FBXO21: variants seen among roughly 807,000 people sequenced by gnomAD.
The protein encoded by FBXO21 is F-box protein 21, also known as F-box only protein 21.
FBXO21 carries 32 observed loss-of-function variants against 76.6 expected under a neutral mutation model. The ratio of observed to expected loss-of-function variants is 0.42; its 90% CI spans 0.32 to 0.56. The LOEUF (loss-of-function observed/expected upper bound fraction) is 0.56. FBXO21 is among the 20% of genes least tolerant of loss of function. The pLI is 0.16. For synonymous variants in FBXO21, 328 were observed against 311.5 expected (o/e 1.05, Z -0.56); for missense variants, 586 against 797.3 (o/e 0.73, Z 3.19).
intron 10 of FBXO21, among the ~76,000 whole-genome samples, chr12:117,156,720 T>C (rs1171826805): frequency 2.6e-5 from 4 of 152,148 alleles, no homozygotes; most frequent in African/African-American, 4.8e-5. Flanking sequence ...TTCTCTCTTA[T>C]AAATCTTTGC....
At chr12:117,184,663 C>G (rs1956265692) in intron 3 of FBXO21, among the ~76,000 whole-genome samples, 1 of 152,148 alleles carries the variant, frequency 6.6e-6, no homozygotes, top group Admixed American at 6.5e-5. Context: ...TGAAGCAGGA[C>G]AATCTCTTGG....
Position 117,158,103 on chromosome 12 carries a change from A to G in FBXO21, c.1327-40T>C, listed in dbSNP as rs778377239. On this transcript the variant is annotated intron_variant, in intron 9 of 11. Coordinates refer to ENST00000622495, the MANE Select transcript of FBXO21 (RefSeq NM_015002.3). ...AGAAAGACTAAAAGATAATATTTTC[A>G]GCTAGGCCTTTTCTTTTTTGCGGCG... The G allele has an allele frequency of 3.7e-6, 6 of 1,611,516 alleles. No individual in the cohort carries two copies. In the African/African-American group the frequency reaches 4.0e-5, roughly 11 times the overall value.
intron 7 of FBXO21, among the ~76,000 whole-genome samples, chr12:117,171,357 CAAAAAAAAAAAAA>C (rs57835444): frequency 1.9e-5 from 1 of 52,660 alleles, no homozygotes; most frequent in Non-Finnish European, 3.4e-5. Context: ...GACCCTGTCT[CAAAAAAAAAAAAA>C]AAAAAAAAAA....
chr12:117,158,184 T>A, intron 9 of FBXO21, 121 bp from the exon 10 acceptor site: 1 of 1,134,504 alleles, frequency 8.8e-7, no homozygotes, highest in Non-Finnish European at 1.3e-6. Flanking sequence ...AAGGGGTGGC[T>A]ATGCCCTGAT....
At chr12:117,161,078 G>T (rs1018158464) in intron 9 of FBXO21, among the ~76,000 whole-genome samples, 1 of 152,104 alleles carries the variant, frequency 6.6e-6, no homozygotes, top group Non-Finnish European at 1.5e-5. Flanking sequence ...GACAGATGAC[G>T]GAGCAGCAGC....
chr12:117,152,662 G>A (rs1955858388), intron 11 of FBXO21, among the ~76,000 whole-genome samples: 1 of 152,098 alleles, frequency 6.6e-6, no homozygotes, highest in Non-Finnish European at 1.5e-5. Context: ...TAGGCATAAA[G>A]TTATTTTGTG....
At chr12:117,181,774 T>G (rs1450390720) in intron 3 of FBXO21, among the ~76,000 whole-genome samples, 7 of 152,102 alleles carry the variant, frequency 4.6e-5, no homozygotes, top group African/African-American at 1.7e-4. Flanking sequence ...TTCAGCCTCT[T>G]GAGTAGCTGG....
chr12:117,147,502 G>A (rs1019895099), intron 11 of FBXO21, among the ~76,000 whole-genome samples: 4 of 145,440 alleles, frequency 2.8e-5, no homozygotes, highest in African/African-American at 1.0e-4. Context: ...GGGAGGCTGA[G>A]GCAGAGAACT....
At chr12:117,150,454 G>A (rs12322298) in intron 11 of FBXO21, among the ~76,000 whole-genome samples, 55,124 of 152,108 alleles carry the variant, frequency 0.36, 11,643 homozygotes, top group Admixed American at 0.54. Flanking sequence ...CAGTCCTCCT[G>A]TGAGCACACA....
At chr12:117,164,837 G>C (rs754896239) in intron 9 of FBXO21, among the ~76,000 whole-genome samples, 1 of 152,124 alleles carries the variant, frequency 6.6e-6, no homozygotes, top group Non-Finnish European at 1.5e-5. Flanking sequence ...TATTTCCAGA[G>C]AAGGGCCAGG....
At chr12:117,161,286 T>A (rs922380599) in intron 9 of FBXO21, among the ~76,000 whole-genome samples, 4 of 151,802 alleles carry the variant, frequency 2.6e-5, no homozygotes, top group Non-Finnish European at 5.9e-5. Context: ...TGCAAAAGAC[T>A]GAAGCAAGAC....
chr12:117,155,639 G>A, intron 11 of FBXO21, 152 bp downstream of exon 11: 2 of 860,320 alleles, frequency 2.3e-6, no homozygotes, highest in South Asian at 3.3e-5. Flanking sequence ...GCCACGTTTA[G>A]CTGACTGTGG....
At position 117,146,289 on chromosome 12, in the gene FBXO21, G is replaced by A; in HGVS notation, c.1676-12C>T. The A allele has an allele frequency of 6.3e-7, 1 of 1,594,420 alleles. No individual in the cohort carries two copies. On this transcript the variant is annotated splice_polypyrimidine_tract_variant and intron_variant, in intron 11 of 11. Transcript: ENST00000622495. ...ATATTCCAAGTTTTCTGTTGGTAAA[G>A]AGGCACACGGGCATTCTCATTACAA... is the stretch of plus-strand genomic sequence containing the variant.
intron 3 of FBXO21, among the ~76,000 whole-genome samples, chr12:117,183,713 A>T (rs575665681): frequency 7.2e-5 from 11 of 152,278 alleles, no homozygotes; most frequent in African/African-American, 2.6e-4. Flanking sequence ...GGCCATATAG[A>T]AGTGTCTGCT....
Position 117,190,338 on chromosome 12 carries a change from T to C in FBXO21, c.119A>G (p.Tyr40Cys). The change falls in exon 1 of 12, where the codon TAC becomes TGC. Residue 40 changes from tyrosine to cysteine, a missense_variant. Physicochemically the swap from Tyr to Cys is radical, Grantham distance 194. Around this residue, in one of 6 missense-constraint regions of FBXO21, gnomAD observed 152 missense variants for 127.2 expected, o/e 1.19. Transcript: ENST00000622495. Reference protein sequence around the residue: ...LVNLPGEVLEYILCCGSLTAA... With the variant: ...LVNLPGEVLECILCCGSLTAA... ...CGTCAGCGAGCCGCAGCACAGGATG[T>C]ACTCCAGCACCTCACCCGGCAGGTT... 6.5e-7 allele frequency: 1 copy of C among 1,542,934 alleles called. No homozygotes were observed.
intron 7 of FBXO21, among the ~76,000 whole-genome samples, chr12:117,167,968 G>A (rs1956074662): frequency 1.3e-5 from 2 of 152,114 alleles, no homozygotes; most frequent in South Asian, 4.1e-4. Context: ...TAGTATGCTG[G>A]GGCTGGCCCT....
intron 3 of FBXO21, among the ~76,000 whole-genome samples, chr12:117,186,110 C>T (rs1956281452): frequency 6.6e-6 from 1 of 152,212 alleles, no homozygotes; most frequent in African/African-American, 2.4e-5. Flanking sequence ...CTCCTGACTT[C>T]AGGTGATCCG....
At chr12:117,173,882 AC>A (rs1467266640) in intron 6 of FBXO21, among the ~76,000 whole-genome samples, 1 of 152,148 alleles carries the variant, frequency 6.6e-6, no homozygotes, top group African/African-American at 2.4e-5. Context: ...AGTGGCTCAC[AC>A]CTATAATCCC....
rs1955758483 is a variant in FBXO21, at chr12:117,145,406, ACT to A, written c.*679_*680del. ...TAATGATTTATAGAGATGTGCATAA[ACT>A]CAAGAGAGGAATATGGAAGGGAAAA... is the stretch of plus-strand genomic sequence containing the variant. On this transcript the variant is annotated 3_prime_UTR_variant, in exon 12 of 12. Transcript: ENST00000622495. The A allele has an allele frequency of 6.6e-6, 1 of 152,140 alleles. No homozygotes were observed. Among genetic ancestry groups the A allele is most frequent in the Admixed American group, 6.5e-5 (1 of 15,274 alleles). The allele number at this position is 152,140 out of a possible 1,614,324, so 9.4% of individuals were successfully genotyped here.
Sources: gnomAD v4.1 joint callset for allele counts (sites outside exome capture counted in the v4.1 genomes callset) on GRCh38, gnomAD v4.1.1 for gene constraint, gnomAD v4.1.1 regional missense constraint, MANE v1.5 for transcripts, NCBI Gene and HGNC (gene_info 2026-07-23, HGNC 2026-07-21) for gene names.